CYP4F11: variants seen among roughly 807,000 people sequenced by gnomAD.
CYP4F11 encodes the protein cytochrome P450 4F11.
In CYP4F11, 79 loss-of-function variants were observed where a neutral mutation model predicts 62.2. That is an observed-to-expected ratio of 1.27 (90% CI 1.06 to 1.53). The LOEUF (loss-of-function observed/expected upper bound fraction) is 1.53. Ranked by LOEUF, CYP4F11 falls within the 40% of genes most tolerant of loss-of-function variation. The pLI is 0.00. For missense variants in CYP4F11, 777 were observed against 680.5 expected, an observed-to-expected ratio of 1.14 and a Z score of -1.58; for synonymous variants, 290 against 263.7, an observed-to-expected ratio of 1.10 and a Z score of -0.97.
At chr19:15,930,871 G>T (rs1207691676) in intron 1 of CYP4F11, among the ~76,000 whole-genome samples, 1 of 152,094 alleles carries the variant, frequency 6.6e-6, no homozygotes, top group Non-Finnish European at 1.5e-5. Flanking sequence ...CAGCCCCCAG[G>T]CGTAGAGGAG....
intron 6 of CYP4F11, 107 bp from the exon 7 acceptor site, chr19:15,922,537 C>G: frequency 8.2e-7 from 1 of 1,216,760 alleles, no homozygotes. Flanking sequence ...TTCCAGAAAC[C>G]CAAGCCCATC....
chr19:15,930,838 C>T (rs2145057653), intron 1 of CYP4F11, among the ~76,000 whole-genome samples: 1 of 152,272 alleles, frequency 6.6e-6, no homozygotes, highest in East Asian at 1.9e-4. Context: ...GTTCCTCCCA[C>T]ACTGGGGACA....
At chr19:15,915,043 A>G (rs2089573111) in intron 8 of CYP4F11, 148 bp from the exon 9 acceptor site, 6 of 1,372,460 alleles carry the variant, frequency 4.4e-6, no homozygotes, top group Non-Finnish European at 5.8e-6. Context: ...GCAGAAAAAA[A>G]TTAGAAAAGC....
chr19:15,914,532 C>A, intron 10 of CYP4F11, 70 bp downstream of exon 10: 1 of 1,595,800 alleles, frequency 6.3e-7, no homozygotes, highest in South Asian at 1.1e-5. Flanking sequence ...TTTTCCTGGT[C>A]AAAACCCTGT....
intron 1 of CYP4F11, among the ~76,000 whole-genome samples, 155 bp from the exon 2 acceptor site, chr19:15,929,756 A>G (rs2089697316): frequency 6.6e-6 from 1 of 152,232 alleles, no homozygotes; most frequent in Admixed American, 6.5e-5. Flanking sequence ...TATTTCCAGA[A>G]GAGATTCACA....
chr19:15,925,227 T>C (rs1159981215), intron 4 of CYP4F11, among the ~76,000 whole-genome samples: 3 of 152,158 alleles, frequency 2.0e-5, no homozygotes, highest in Admixed American at 6.5e-5. Flanking sequence ...ACAGAATCAC[T>C]GCTCCACCAC....
intron 4 of CYP4F11, among the ~76,000 whole-genome samples, chr19:15,926,731 G>A (rs1417306649): frequency 6.6e-6 from 1 of 152,186 alleles, no homozygotes; most frequent in Non-Finnish European, 1.5e-5. Flanking sequence ...TCAGCCTAAA[G>A]CTAGCAAAGC....
chr19:15,924,978 C>T, intron 4 of CYP4F11, 96 bp from the exon 5 acceptor site: 1 of 1,384,860 alleles, frequency 7.2e-7, no homozygotes, highest in East Asian at 2.8e-5. Context: ...CAATCATCCT[C>T]CTGGTCCTCT....
At chr19:15,915,370 CT>C (rs1185553959) in intron 8 of CYP4F11, among the ~76,000 whole-genome samples, 2 of 152,204 alleles carry the variant, frequency 1.3e-5, no homozygotes, top group African/African-American at 4.8e-5. Context: ...AAACAGAACA[CT>C]TCACTGGAAA....
chr19:15,922,401 C>A lies in CYP4F11; in HGVS notation c.948G>T (p.Glu316Asp), dbSNP rs551550232. The A allele has an allele frequency of 6.2e-7, 1 of 1,614,050 alleles. No homozygotes were observed. The change falls in exon 7 of 12, where the codon GAG (glutamate) becomes GAT (aspartate). Residue 316 changes from glutamate (E) to aspartate (D), a missense_variant. Coordinates refer to ENST00000402119, the MANE Select transcript of CYP4F11 (RefSeq NM_021187.4). ...AGGTGTCAGCTTCTGCTCTTATGTC[C>A]TCATCAGACAATTCCTTCCCATCTT... ...KDEDGKELSD[E>D]DIRAEADTFM...
rs998456357 is a variant in CYP4F11 at position 15,913,540 on chromosome 19, C to T, written c.*192G>A. The T allele has an allele frequency of 8.9e-6, 6 of 671,824 alleles. No individual in the cohort carries two copies. The South Asian group carries it at 9.4e-5, about 10-fold the overall frequency. The allele number at this position is 671,824 out of a possible 1,614,324, so 41.6% of individuals were successfully genotyped here. A position where few individuals can be genotyped will look rare whatever the true frequency, so the allele number is the denominator to read the frequency against. ...AGAACCCACTAAGGGCCTAGATGCCCTGTGCTCAGCCAGAGAGGCCGTCAG... is the reference window on the plus strand; with the variant it reads ...AGAACCCACTAAGGGCCTAGATGCCTTGTGCTCAGCCAGAGAGGCCGTCAG... On this transcript the variant is annotated 3_prime_UTR_variant, in exon 12 of 12. Transcript: ENST00000402119.
rs776179634 is a variant in CYP4F11, at chr19:15,913,942, C to T, written c.1398-33G>A. 15 of 1,586,986 alleles carry T rather than the reference C, an allele frequency of 9.5e-6. No individual in the cohort carries two copies. The Admixed American group carries it at 2.0e-4, about 22-fold the overall frequency. ...CAAAAGTGAGGGAATCTGACTGTGCCCATGACCCCCATCCCGGCCCCATCA... is the reference window on the plus strand; with the variant it reads ...CAAAAGTGAGGGAATCTGACTGTGCTCATGACCCCCATCCCGGCCCCATCA... On this transcript the variant is annotated intron_variant, in intron 11 of 11. Coordinates refer to ENST00000402119, the MANE Select transcript of CYP4F11 (RefSeq NM_021187.4).
Position 15,922,250 on chromosome 19 carries a change from G to A in CYP4F11, c.986-84C>T, listed in dbSNP as rs1440085370. On this transcript the variant is annotated intron_variant, in intron 7 of 11. Transcript: ENST00000402119. The stretch of plus-strand genomic sequence containing the variant: ...AGCACCCAAACTCTGAGGCCCTCAG[G>A]AGAATGTAGGGAGGAGGAGGATGGG... 1.9e-6 allele frequency: 3 copies of A among 1,598,284 alleles called. No individual in the cohort carries two copies. In the African/African-American group the frequency reaches 4.0e-5, roughly 21 times the overall value.
chr19:15,922,333 C>A (rs770377786), intron 7 of CYP4F11, 31 bp downstream of exon 7: 1 of 1,613,486 alleles, frequency 6.2e-7, no homozygotes. Flanking sequence ...AGGCCCCTGT[C>A]CCCACCGTAG....
chr19:15,913,970 C>T lies in CYP4F11; in HGVS notation c.1398-61G>A, dbSNP rs376024316. 106 of 1,551,190 alleles carry T rather than the reference C, an allele frequency of 6.8e-5. No homozygotes were observed. In the East Asian group the frequency reaches 9.4e-4, roughly 14 times the overall value. On this transcript the variant is annotated intron_variant, in intron 11 of 11. Transcript: ENST00000402119. ...TGACCCCCATCCCGGCCCCATCATG[C>T]TTAGAACCTGGCCTGGGACCCCAAA... is the stretch of plus-strand genomic sequence containing the variant.
intron 5 of CYP4F11, 88 bp downstream of exon 5, chr19:15,924,673 A>G (rs745446487): frequency 6.6e-7 from 1 of 1,525,658 alleles, no homozygotes; most frequent in African/African-American, 1.4e-5. Context: ...TCAGAAAGGC[A>G]CTTCTGGTTA....
chr19:15,927,411 A>T lies in CYP4F11; in HGVS notation c.397+19T>A. The T allele has an allele frequency of 6.2e-7, 1 of 1,614,058 alleles. No individual in the cohort carries two copies. The highest frequency in any genetic ancestry group is 8.5e-7 in the Non-Finnish European group (1 of 1,179,958). On this transcript the variant is annotated intron_variant, in intron 3 of 11. Coordinates refer to ENST00000402119, the MANE Select transcript of CYP4F11 (RefSeq NM_021187.4). The stretch of plus-strand genomic sequence containing the variant: ...ATCCCTAAAGGATATCCCCAACCCC[A>T]TTCACCTCAATTACTCACCCAGCCA...
chr19:15,934,189 C>A (rs768839660), intron 1 of CYP4F11, 22 bp downstream of exon 1: 5 of 1,612,712 alleles, frequency 3.1e-6, no homozygotes, highest in Non-Finnish European at 4.2e-6. Context: ...AGACCCCAGA[C>A]CCGTCCTGCT....
At position 15,913,751 on chromosome 19, in the gene CYP4F11, A is replaced by C. The variant is rs779842231; in HGVS notation, c.1556T>G (p.Leu519Arg). 1 of 1,614,126 alleles carries C rather than the reference A, an allele frequency of 6.2e-7. No individual in the cohort carries two copies. The highest frequency in any genetic ancestry group is 8.5e-7 in the Non-Finnish European group (1 of 1,179,988). ...GGACAGTCACTGTGAGTTCGCACCC[A>C]GGGGCTCCACCCGCAGCCAAAGTCC... ...EGGLWLRVEP[L>R]GANSQ The change falls in exon 12 of 12, where the codon CTG becomes CGG. Residue 519 changes from leucine to arginine, a missense_variant. Transcript: ENST00000402119.
Sources: allele counts gnomAD v4.1 joint callset (sites outside exome capture counted in the v4.1 genomes callset), GRCh38; gene constraint gnomAD v4.1.1; transcripts MANE v1.5; gene names NCBI Gene and HGNC (gene_info 2026-07-23, HGNC 2026-07-21).